Variants in BICD1 observed in about 807,000 individuals in gnomAD.
The protein encoded by BICD1 is protein bicaudal D homolog 1.
BICD1 carries 35 observed loss-of-function variants against 92.5 expected under a neutral mutation model. The observed-to-expected ratio is 0.38, with a 90% confidence interval of 0.29 to 0.50. The LOEUF (loss-of-function observed/expected upper bound fraction) is 0.50, where lower values mean the gene tolerates loss of function less well. BICD1 is among the 20% of genes least tolerant of loss of function. The pLI, the probability that BICD1 is intolerant of heterozygous loss-of-function variation, is 0.93. For missense variants in BICD1, 950 were observed against 1,189.8 expected, an observed-to-expected ratio of 0.80 and a Z score of 2.97; for synonymous variants, 429 against 465.1, an observed-to-expected ratio of 0.92 and a Z score of 1.00.
chr12:32,374,959 T>C (rs1464613527), intron 9 of BICD1, among the ~76,000 whole-genome samples: 55 of 115,118 alleles, frequency 4.8e-4, no homozygotes, highest in African/African-American at 1.8e-3. Flanking sequence ...CGCTCTGTCG[T>C]CCAGGCTGGA....
At chr12:32,304,873 A>T (rs530646227) in intron 3 of BICD1, among the ~76,000 whole-genome samples, 9 of 106,214 alleles carry the variant, frequency 8.5e-5, no homozygotes, top group Admixed American at 5.8e-4. Flanking sequence ...AATAAAAAAT[A>T]AAAAAAATAG....
At chr12:32,235,020 A>G (rs993575756) in intron 2 of BICD1, among the ~76,000 whole-genome samples, 2 of 152,114 alleles carry the variant, frequency 1.3e-5, no homozygotes, top group Non-Finnish European at 2.9e-5. Flanking sequence ...AATATATACT[A>G]TTCTCCAGCC....
At chr12:32,227,825 T>A (rs1208078701) in intron 2 of BICD1, 1 of 153,622 alleles carries the variant, frequency 6.5e-6, no homozygotes, top group Non-Finnish European at 1.5e-5. Flanking sequence ...TGCTGTAAGG[T>A]TAACTTGTAT....
chr12:32,286,257 T>A (rs1026115714), intron 2 of BICD1, among the ~76,000 whole-genome samples: 3 of 152,190 alleles, frequency 2.0e-5, no homozygotes, highest in Non-Finnish European at 4.4e-5. Flanking sequence ...ACAATGTATA[T>A]ATTCCCATTT....
At chr12:32,266,485 T>TCATCTAAAAG (rs1046502027) in intron 2 of BICD1, among the ~76,000 whole-genome samples, 1 of 152,084 alleles carries the variant, frequency 6.6e-6, no homozygotes, top group Non-Finnish European at 1.5e-5. Context: ...TGCCACAACA[T>TCATCTAAAAG]CATCTAAAAG....
rs148101509 is a variant in BICD1, at chr12:32,328,268, A to T, written c.1813A>T (p.Thr605Ser). The T allele has an allele frequency of 1.1e-5, 18 of 1,614,186 alleles. No individual in the cohort carries two copies. Among genetic ancestry groups the T allele is most frequent in the Non-Finnish European group, 1.5e-5 (18 of 1,180,030 alleles). The part of the protein sequence containing the change: ...TKTPTISPVI[T>S]APPSSPVLDT... ...GACCCCCACAATCTCTCCTGTTATT[A>T]CTGCCCCACCGTCATCTCCAGTATT... The change falls in exon 5 of 10, where the codon ACT (threonine) becomes TCT (serine). Residue 605 changes from threonine (T) to serine (S), a missense_variant. By Grantham distance (58) the Thr-to-Ser change is moderately conservative. This residue lies in a region of BICD1 where 309 missense variants were observed against 499.4 expected (regional missense o/e 0.62). Transcript: ENST00000652176. This position sits in a 1 kb window ranked among gnomAD's most constrained non-coding sequence, Gnocchi z 4.4.
intron 2 of BICD1, among the ~76,000 whole-genome samples, chr12:32,264,685 A>G (rs1946944071): frequency 6.6e-6 from 1 of 152,058 alleles, no homozygotes; most frequent in African/African-American, 2.4e-5. Flanking sequence ...ATGGGGTTTC[A>G]CCATTGTTGG....
At chr12:32,198,353 T>TATATATATATATATATATATA (rs71068306) in intron 1 of BICD1, among the ~76,000 whole-genome samples, 9 of 139,220 alleles carry the variant, frequency 6.5e-5, no homozygotes, top group Non-Finnish European at 1.2e-4. Context: ...TATATATATA[T>TATATATATATATATATATATA]TCCAAAAATA....
At position 32,166,124 on chromosome 12, in the gene BICD1, T is replaced by G. The variant is rs907170012; in HGVS notation, c.214-50123T>G. On this transcript the variant is annotated intron_variant, in intron 1 of 9. Transcript: ENST00000652176. ...TGGAGACATTTATTTATTTATTTATTTATTTATTTATTTATTTATTTATTT... is the reference window on the plus strand; with the variant it reads ...TGGAGACATTTATTTATTTATTTATGTATTTATTTATTTATTTATTTATTT... 4.8e-4 allele frequency among the ~76,000 whole-genome samples: 15 copies of G among 31,150 alleles called. No homozygotes were observed. The Admixed American group carries it at 6.6e-3, about 14-fold the overall frequency. 20.4% of individuals were successfully genotyped at this position (31,150 alleles called of 152,430 possible). A position where few individuals can be genotyped will look rare whatever the true frequency, so the allele number is the denominator to read the frequency against.
intron 1 of BICD1, among the ~76,000 whole-genome samples, chr12:32,120,968 A>AT (rs1276999379): frequency 0.51 from 66,025 of 128,386 alleles, 18,665 homozygotes; most frequent in East Asian, 0.72. Context: ...GCTCCATAGA[A>AT]TTTTTTTTTT....
chr12:32,378,306 T>G lies in BICD1; in HGVS notation c.*679T>G, dbSNP rs998340154. ...ACTTACTTTCTAATCAGTAGCTCATTAACTGCTGGGTTTTGTTTTTGTATT... is the reference window on the plus strand; with the variant it reads ...ACTTACTTTCTAATCAGTAGCTCATGAACTGCTGGGTTTTGTTTTTGTATT... On this transcript the variant is annotated 3_prime_UTR_variant, in exon 10 of 10. Transcript: ENST00000652176. The G allele has an allele frequency of 1.3e-5, 2 of 152,262 alleles. No individual in the cohort carries two copies. Among genetic ancestry groups the G allele is most frequent in the African/African-American group, 4.8e-5 (2 of 41,478 alleles). 9.4% of individuals were successfully genotyped at this position (152,262 alleles called of 1,614,324 possible). A position where few individuals can be genotyped will look rare whatever the true frequency, so the allele number is the denominator to read the frequency against.
Position 32,337,829 on chromosome 12 carries a change from C to A in BICD1, c.2570+13C>A, listed in dbSNP as rs1403641426. The A allele has an allele frequency of 1.2e-6, 2 of 1,613,288 alleles. No homozygotes were observed. Among genetic ancestry groups the A allele is most frequent in the South Asian group, 1.1e-5 (1 of 91,038 alleles). On this transcript the variant is annotated intron_variant, in intron 7 of 9. Coordinates refer to ENST00000652176, the MANE Select transcript of BICD1 (RefSeq NM_001714.4). The surrounding 1 kb of genome is among the most constrained non-coding windows in gnomAD (Gnocchi z 4.7). ...CTCAGAGGAAAAGGTATGCATGCAG[C>A]GATCTTCATAGTACGGTGCAGTGGC...
At chr12:32,171,827 G>A (rs1457312663) in intron 1 of BICD1, among the ~76,000 whole-genome samples, 3 of 151,802 alleles carry the variant, frequency 2.0e-5, no homozygotes, top group African/African-American at 4.8e-5. Context: ...CCAGCTACTT[G>A]GGAGGCTGAG....
intron 4 of BICD1, among the ~76,000 whole-genome samples, chr12:32,314,048 C>G (rs1387412686): frequency 6.6e-6 from 1 of 152,164 alleles, no homozygotes; most frequent in African/African-American, 2.4e-5. Context: ...TGGCTTCTTT[C>G]ACTTAGCATA....
At chr12:32,108,274 G>A (rs1337888228) in intron 1 of BICD1, 1 of 180,828 alleles carries the variant, frequency 5.5e-6, no homozygotes, top group African/African-American at 2.4e-5. Flanking sequence ...TTTCAAATGA[G>A]GCTCTTCTGG....
chr12:32,217,330 A>G (rs1945389808), intron 2 of BICD1, among the ~76,000 whole-genome samples: 4 of 152,252 alleles, frequency 2.6e-5, no homozygotes, highest in Admixed American at 2.0e-4. Flanking sequence ...AGAAATATGT[A>G]GGATGAAAAT....
At chr12:32,371,210 T>C (rs994833669) in intron 9 of BICD1, among the ~76,000 whole-genome samples, 1 of 152,190 alleles carries the variant, frequency 6.6e-6, no homozygotes, top group African/African-American at 2.4e-5. Context: ...TTCCAGTTTC[T>C]ACCCACATGA....
rs1052188682 is a variant in BICD1 at position 32,207,015 on chromosome 12, A to T, written c.214-9232A>T. 2.6e-5 allele frequency among the ~76,000 whole-genome samples: 4 copies of T among 152,348 alleles called. No individual in the cohort carries two copies. In the East Asian group the frequency reaches 5.8e-4, roughly 22 times the overall value. On this transcript the variant is annotated intron_variant, in intron 1 of 9. Coordinates refer to ENST00000652176, the MANE Select transcript of BICD1 (RefSeq NM_001714.4). ...ATTTACAGAAACATACATATATGGT[A>T]AACTATAAAGAAAATGGTGATACAA...
chr12:32,307,394 C>T (rs1169996221), intron 4 of BICD1, among the ~76,000 whole-genome samples: 1 of 152,172 alleles, frequency 6.6e-6, no homozygotes, highest in African/African-American at 2.4e-5. Flanking sequence ...TCTTGCCTTC[C>T]TGCCACATGT....
Sources: allele counts gnomAD v4.1 joint callset (sites outside exome capture counted in the v4.1 genomes callset), GRCh38; gene constraint gnomAD v4.1.1; regional missense constraint gnomAD v4.1.1; non-coding constraint Gnocchi (gnomAD v3.1); transcripts MANE v1.5; gene names NCBI Gene and HGNC (gene_info 2026-07-23, HGNC 2026-07-21).